Variants in TMEM263 observed in about 807,000 individuals in gnomAD.
The protein encoded by TMEM263 is transmembrane protein 263.
Under a neutral mutation model 8.6 loss-of-function variants are expected in TMEM263, and 5 were observed. That is an observed-to-expected ratio of 0.58 (90% CI 0.31 to 1.23). The LOEUF (loss-of-function observed/expected upper bound fraction) is 1.23. Among genes scored for constraint, TMEM263 ranks in the 50% most tolerant of loss-of-function variants. The pLI is 0.07. For missense variants in TMEM263, 104 were observed against 138.8 expected, an observed-to-expected ratio of 0.75 and a Z score of 1.26; for synonymous variants, 50 against 47.9, an observed-to-expected ratio of 1.04 and a Z score of -0.18.
chr12:106,970,700 G>A (rs971034624), intron 3 of TMEM263, among the ~76,000 whole-genome samples: 2 of 152,170 alleles, frequency 1.3e-5, no homozygotes, highest in African/African-American at 4.8e-5. Flanking sequence ...GAAGAAGATT[G>A]TTTCGGTAAT....
intron 3 of TMEM263, chr12:106,967,415 C>T: frequency 2.9e-6 from 1 of 342,470 alleles, no homozygotes; most frequent in East Asian, 6.9e-5. Context: ...CCTGCCACCA[C>T]ACCTGGCTAA....
At chr12:106,967,627 G>A (rs978901744) in intron 3 of TMEM263, among the ~76,000 whole-genome samples, 2 of 152,152 alleles carry the variant, frequency 1.3e-5, no homozygotes, top group African/African-American at 2.4e-5. Context: ...CAAAATAATT[G>A]AAGATAACAT....
intron 3 of TMEM263, among the ~76,000 whole-genome samples, chr12:106,968,551 C>A (rs1566225692): frequency 6.6e-6 from 1 of 152,026 alleles, no homozygotes; most frequent in African/African-American, 2.4e-5. Flanking sequence ...AGAAAGAAAT[C>A]AGAAAAGGGA....
chr12:106,960,359 A>G (rs2136759206), intron 2 of TMEM263, among the ~76,000 whole-genome samples: 1 of 150,980 alleles, frequency 6.6e-6, no homozygotes, highest in African/African-American at 2.4e-5. Context: ...TTTTAGTCCC[A>G]ATGAAACTAA....
rs1169730810 is a variant in TMEM263 at position 106,971,987 on chromosome 12, G to A, written c.*596G>A. ...GCGTTCTATTATTTTAATCATTGATGCCTTACAAAAGAAAACATCTTTTCT... is the reference window on the plus strand; with the variant it reads ...GCGTTCTATTATTTTAATCATTGATACCTTACAAAAGAAAACATCTTTTCT... On this transcript the variant is annotated 3_prime_UTR_variant, in exon 4 of 4. Coordinates refer to ENST00000280756, the MANE Select transcript of TMEM263 (RefSeq NM_152261.4). 2 of 152,744 alleles carry A rather than the reference G, an allele frequency of 1.3e-5. No homozygotes were observed. The highest frequency in any genetic ancestry group is 2.4e-5 in the African/African-American group (1 of 41,586). 9.5% of individuals were successfully genotyped at this position (152,744 alleles called of 1,614,324 possible). A position where few individuals can be genotyped will look rare whatever the true frequency, so the allele number is the denominator to read the frequency against.
intron 2 of TMEM263, among the ~76,000 whole-genome samples, chr12:106,962,108 T>G (rs1485814492): frequency 6.6e-6 from 1 of 152,202 alleles, no homozygotes; most frequent in Non-Finnish European, 1.5e-5. Context: ...TTTCTATGTG[T>G]AGGTATAAAA....
chr12:106,956,080 A>AG lies in TMEM263; in HGVS notation c.-75+15_-75+16insG. 3.1e-6 allele frequency: 3 copies of AG among 979,540 alleles called. No individual in the cohort carries two copies. The highest frequency in any genetic ancestry group is 3.6e-6 in the Non-Finnish European group (3 of 824,622). 60.7% of individuals were successfully genotyped at this position (979,540 alleles called of 1,614,324 possible). A position where few individuals can be genotyped will look rare whatever the true frequency, so the allele number is the denominator to read the frequency against. The stretch of plus-strand genomic sequence containing the variant: ...CGACCCCGGCGGTGAGTGAGTCGGG[A>AG]TGCGAGGGCAGGGGCGCAGTCCCGG... On this transcript the variant is annotated intron_variant, in intron 1 of 3. Transcript: ENST00000280756.
At chr12:106,967,073 A>T in intron 2 of TMEM263, 38 bp from the exon 3 acceptor site, 1 of 1,338,396 alleles carries the variant, frequency 7.5e-7, no homozygotes, top group Non-Finnish European at 1.1e-6. Flanking sequence ...TCACATGTTG[A>T]GGTTAAAATG....
rs1951948883 is a variant in TMEM263, at chr12:106,973,184, A to G, written c.*1793A>G. On this transcript the variant is annotated 3_prime_UTR_variant, in exon 4 of 4. Transcript: ENST00000280756. ...TAAATGGTCATTTATTTCATGCAGT[A>G]TGATTTAAGGTATTTCTTGAGATTC... 6.6e-6 allele frequency: 1 copy of G among 152,200 alleles called. No individual in the cohort carries two copies. The highest frequency in any genetic ancestry group is 1.5e-5 in the Non-Finnish European group (1 of 67,954). The allele number at this position is 152,200 out of a possible 1,614,324, so 9.4% of individuals were successfully genotyped here.
At position 106,967,412 on chromosome 12, in the gene TMEM263, C is replaced by T. The variant is rs1951861723; in HGVS notation, c.64+232C>T. ...TAGCTGGGATTACAGGTACCTGCCA[C>T]CACACCTGGCTAATTTTTTGTATTT... On this transcript the variant is annotated intron_variant, in intron 3 of 3. Transcript: ENST00000280756. 5 of 347,294 alleles carry T rather than the reference C, an allele frequency of 1.4e-5. No homozygotes were observed. The South Asian group carries it at 1.9e-4, about 13-fold the overall frequency. The allele number at this position is 347,294 out of a possible 1,614,324, so 21.5% of individuals were successfully genotyped here.
intron 2 of TMEM263, 76 bp from the exon 3 acceptor site, chr12:106,967,035 G>T: frequency 2.2e-6 from 2 of 913,008 alleles, no homozygotes; most frequent in Non-Finnish European, 3.5e-6. Context: ...TGATGAAATC[G>T]CAATTTAGCA....
chr12:106,973,447 T>C lies in TMEM263; in HGVS notation c.*2056T>C, dbSNP rs1053051. 0.61 allele frequency: 92,147 copies of C among 151,898 alleles called. 29,342 individuals carry two copies. Among genetic ancestry groups the C allele is most frequent in the African/African-American group, 0.79 (32,802 of 41,362 alleles). The allele number at this position is 151,898 out of a possible 1,614,324, so 9.4% of individuals were successfully genotyped here. A position where few individuals can be genotyped will look rare whatever the true frequency, so the allele number is the denominator to read the frequency against. On this transcript the variant is annotated 3_prime_UTR_variant, in exon 4 of 4. Transcript: ENST00000280756. ...CTTGCATATTTATTTTCAACTTTGT[T>C]TGTCTTTAAAATTGCTTGAGGAAAA...
chr12:106,970,963 C>T, intron 3 of TMEM263, 142 bp from the exon 4 acceptor site: 1 of 735,442 alleles, frequency 1.4e-6, no homozygotes. Context: ...AAGAGCTCTT[C>T]AGTGTCTTTG....
At chr12:106,956,630 C>T (rs1049019614) in intron 1 of TMEM263, among the ~76,000 whole-genome samples, 1 of 152,210 alleles carries the variant, frequency 6.6e-6, no homozygotes, top group African/African-American at 2.4e-5. Context: ...GGCTGGAGCA[C>T]CCATCCGTGC....
intron 2 of TMEM263, among the ~76,000 whole-genome samples, chr12:106,964,990 T>G (rs1951824698): frequency 6.6e-6 from 1 of 152,160 alleles, no homozygotes; most frequent in East Asian, 1.9e-4. Context: ...AAAGATCACC[T>G]TACTCTTTTG....
At chr12:106,963,490 T>G (rs1310451775) in intron 2 of TMEM263, among the ~76,000 whole-genome samples, 1 of 152,222 alleles carries the variant, frequency 6.6e-6, no homozygotes, top group Non-Finnish European at 1.5e-5. Context: ...CCCTGGCATT[T>G]TGTCCAAAGC....
chr12:106,961,224 A>ATTTTTTTTTTTTTTTTTTTTT, intron 2 of TMEM263, among the ~76,000 whole-genome samples: 1 of 75,130 alleles, frequency 1.3e-5, no homozygotes, highest in African/African-American at 6.1e-5. Flanking sequence ...TGCCCAGTCA[A>ATTTTTTTTTTTTTTTTTTTTT]TTTTTTTTTT....
intron 3 of TMEM263, among the ~76,000 whole-genome samples, chr12:106,969,590 G>A (rs1014446942): frequency 6.6e-6 from 1 of 151,966 alleles, no homozygotes; most frequent in Admixed American, 6.6e-5. Flanking sequence ...GCCGGGTGTG[G>A]TGGTGGGCAC....
At chr12:106,970,338 G>T (rs1261071412) in intron 3 of TMEM263, among the ~76,000 whole-genome samples, 5 of 151,992 alleles carry the variant, frequency 3.3e-5, no homozygotes, top group Admixed American at 1.3e-4. Flanking sequence ...TGCATTAAAA[G>T]AACCCATATT....
Sources: gnomAD v4.1 joint callset for allele counts (sites outside exome capture counted in the v4.1 genomes callset) on GRCh38, gnomAD v4.1.1 for gene constraint, MANE v1.5 for transcripts, NCBI Gene and HGNC (gene_info 2026-07-23, HGNC 2026-07-21) for gene names.